Variants in PTP4A2 observed in about 807,000 individuals in gnomAD.
PTP4A2 encodes the protein protein tyrosine phosphatase type IVA 2.
In PTP4A2, 2 loss-of-function variants were observed where a neutral mutation model predicts 22.9. The ratio of observed to expected loss-of-function variants is 0.09; its 90% CI spans 0.04 to 0.27. The LOEUF (loss-of-function observed/expected upper bound fraction) is 0.27. Among genes scored for constraint, PTP4A2 ranks in the 10% least tolerant of loss-of-function variants. The pLI, the probability that PTP4A2 is intolerant of heterozygous loss-of-function variation, is 1.00. For missense variants in PTP4A2, 103 were observed against 205.1 expected (o/e 0.50, Z 3.04); for synonymous variants, 68 against 69.1 (o/e 0.98, Z 0.08).
At chr1:31,922,176 C>T (rs1217875826) in intron 1 of PTP4A2, among the ~76,000 whole-genome samples, 1 of 152,152 alleles carries the variant, frequency 6.6e-6, no homozygotes, top group African/African-American at 2.4e-5. Flanking sequence ...CATCAACTAC[C>T]CTGACCTTTT....
At chr1:31,909,683 AAAG>A (rs546544930) in intron 5 of PTP4A2, among the ~76,000 whole-genome samples, 304 of 152,106 alleles carry the variant, frequency 2.0e-3, no homozygotes, top group African/African-American at 6.9e-3. Context: ...AAAAAAAAAA[AAAG>A]AGTCTCAGGT....
chr1:31,906,788 C>A lies in PTP4A2; in HGVS notation c.*2064G>T, dbSNP rs668203. On this transcript the variant is annotated 3_prime_UTR_variant, in exon 6 of 6. Coordinates refer to ENST00000647444, the MANE Select transcript of PTP4A2 (RefSeq NM_080391.4). ...CACACACACACACACACACACACACCCCCTCCCCCCAAACAACAAAATTCA... is the reference window on the plus strand; with the variant it reads ...CACACACACACACACACACACACACACCCTCCCCCCAAACAACAAAATTCA... The A allele has an allele frequency of 0.012, 1,193 of 99,824 alleles. 13 individuals carry two copies. The highest frequency in any genetic ancestry group is 0.023 in the African/African-American group (596 of 26,254). The allele number at this position is 99,824 out of a possible 1,614,324, so 6.2% of individuals were successfully genotyped here. A position where few individuals can be genotyped will look rare whatever the true frequency, so the allele number is the denominator to read the frequency against.
In PTP4A2 at chr1:31,906,432, A is replaced by G. The variant is rs1280855120; in HGVS notation, c.*2420T>C. 2 of 152,122 alleles carry G rather than the reference A, an allele frequency of 1.3e-5. No homozygotes were observed. Among genetic ancestry groups the G allele is most frequent in the East Asian group, 1.9e-4 (1 of 5,188 alleles). 9.4% of individuals were successfully genotyped at this position (152,122 alleles called of 1,614,324 possible). On this transcript the variant is annotated 3_prime_UTR_variant, in exon 6 of 6. Coordinates refer to ENST00000647444, the MANE Select transcript of PTP4A2 (RefSeq NM_080391.4). ...AAAAAATGCACAAAGAGCGTGTAAA[A>G]TATGTTTTATTGTTCTTTAAAAGGG...
At chr1:31,914,223 C>T (rs186266147) in intron 3 of PTP4A2, 8 of 454,486 alleles carry the variant, frequency 1.8e-5, no homozygotes, top group East Asian at 7.0e-5. Flanking sequence ...CATGCCATCA[C>T]GTCCAGCTAA....
In PTP4A2 at chr1:31,908,153, T is replaced by C. The variant is rs1434548644; in HGVS notation, c.*699A>G. ...ATATATATTATATTATATATATATA[T>C]ATATATATATATATATATATATATA... On this transcript the variant is annotated 3_prime_UTR_variant, in exon 6 of 6. Transcript: ENST00000647444. 3.7e-4 allele frequency: 3 copies of C among 8,110 alleles called. No individual in the cohort carries two copies. The highest frequency in any genetic ancestry group is 1.4e-3 in the Admixed American group (1 of 710). 0.5% of individuals were successfully genotyped at this position (8,110 alleles called of 1,614,324 possible). A position where few individuals can be genotyped will look rare whatever the true frequency, so the allele number is the denominator to read the frequency against.
At chr1:31,931,690 C>T (rs1438566634) in intron 1 of PTP4A2, among the ~76,000 whole-genome samples, 3 of 152,150 alleles carry the variant, frequency 2.0e-5, no homozygotes, top group African/African-American at 7.2e-5. Flanking sequence ...ATTTAAAGTA[C>T]TTTTCACCCA....
chr1:31,912,604 A>G (rs2124151934), intron 3 of PTP4A2, among the ~76,000 whole-genome samples: 1 of 141,996 alleles, frequency 7.0e-6, no homozygotes, highest in East Asian at 2.6e-4. Flanking sequence ...CTACTTAGCA[A>G]GAGGTCCTAA....
At chr1:31,926,658 A>T (rs1040227348) in intron 1 of PTP4A2, among the ~76,000 whole-genome samples, 1 of 152,200 alleles carries the variant, frequency 6.6e-6, no homozygotes, top group Non-Finnish European at 1.5e-5. Flanking sequence ...ATTAATTCAA[A>T]TATTTACAGA....
intron 4 of PTP4A2, 31 bp from the exon 5 acceptor site, chr1:31,910,143 A>C (rs745546362): frequency 1.3e-6 from 2 of 1,566,252 alleles, no homozygotes; most frequent in South Asian, 2.2e-5. Context: ...GTAAGTATCC[A>C]TAAGTCTTGG....
chr1:31,927,816 A>G (rs897294061), intron 1 of PTP4A2, among the ~76,000 whole-genome samples: 4 of 152,234 alleles, frequency 2.6e-5, no homozygotes, highest in Non-Finnish European at 5.9e-5. Flanking sequence ...TTCAGACAAT[A>G]GATTGTAAAA....
intron 1 of PTP4A2, among the ~76,000 whole-genome samples, chr1:31,936,714 T>C (rs1279729618): frequency 2.0e-5 from 3 of 152,182 alleles, no homozygotes; most frequent in African/African-American, 7.2e-5. Flanking sequence ...CTTCTCACCA[T>C]CTTCACCAAT....
Position 31,910,023 on chromosome 1 carries a change from A to C in PTP4A2, c.395+15T>G, listed in dbSNP as rs1163611331. Reference sequence around the variant, plus strand: ...TTGCTTTCTGTGTTTCTGAACACAAAAACTTCATACTCACTGTCTTATAAA... The same window carrying C: ...TTGCTTTCTGTGTTTCTGAACACAACAACTTCATACTCACTGTCTTATAAA... On this transcript the variant is annotated intron_variant, in intron 5 of 5. Transcript: ENST00000647444. The C allele has an allele frequency of 1.3e-6, 2 of 1,594,960 alleles. No homozygotes were observed. Among genetic ancestry groups the C allele is most frequent in the African/African-American group, 1.3e-5 (1 of 74,640 alleles).
At chr1:31,930,786 T>C (rs1294846703) in intron 1 of PTP4A2, 1 of 152,226 alleles carries the variant, frequency 6.6e-6, no homozygotes, top group Non-Finnish European at 1.5e-5. Flanking sequence ...AATTGTCCAA[T>C]AATGGCATCC....
At chr1:31,927,312 T>A (rs1305905228) in intron 1 of PTP4A2, among the ~76,000 whole-genome samples, 1 of 151,980 alleles carries the variant, frequency 6.6e-6, no homozygotes. Flanking sequence ...TGAGTACACA[T>A]AGACTCAAAG....
chr1:31,913,926 A>C, intron 3 of PTP4A2: 1 of 454,818 alleles, frequency 2.2e-6, no homozygotes, highest in East Asian at 7.0e-5. Flanking sequence ...TTATTTTCGG[A>C]AGTTTAAATT....
At chr1:31,920,187 T>C (rs1652067494) in intron 1 of PTP4A2, among the ~76,000 whole-genome samples, 1 of 145,536 alleles carries the variant, frequency 6.9e-6, no homozygotes. Context: ...CTGATGCCTG[T>C]AATCCTAGCA....
At chr1:31,925,148 T>A (rs77022613) in intron 1 of PTP4A2, among the ~76,000 whole-genome samples, 7,972 of 152,230 alleles carry the variant, frequency 0.052, 708 homozygotes, top group African/African-American at 0.18. Context: ...GACTGAAGGC[T>A]GGAGGTCAAC....
At chr1:31,934,258 T>TA (rs938433734) in intron 1 of PTP4A2, among the ~76,000 whole-genome samples, 70 of 151,938 alleles carry the variant, frequency 4.6e-4, no homozygotes, top group African/African-American at 1.6e-3. Context: ...AACTCCGTCT[T>TA]AAAAAAAACC....
At chr1:31,922,707 C>T (rs1305078897) in intron 1 of PTP4A2, among the ~76,000 whole-genome samples, 1 of 151,740 alleles carries the variant, frequency 6.6e-6, no homozygotes, top group African/African-American at 2.4e-5. Context: ...TGGCTCACCG[C>T]AGCCTCAACC....
Sources: allele counts gnomAD v4.1 joint callset (sites outside exome capture counted in the v4.1 genomes callset), GRCh38; gene constraint gnomAD v4.1.1; transcripts MANE v1.5; gene names NCBI Gene and HGNC (gene_info 2026-07-23, HGNC 2026-07-21).